Variants in PDE10A observed in about 807,000 individuals in gnomAD.
PDE10A encodes the protein phosphodiesterase 10A.
PDE10A carries 39 observed loss-of-function variants against 97.7 expected under a neutral mutation model. The observed-to-expected ratio is 0.40, with a 90% CI of 0.31 to 0.52. The LOEUF (loss-of-function observed/expected upper bound fraction) is 0.52, where lower values mean the gene tolerates loss of function less well. Among genes scored for constraint, PDE10A ranks in the 20% least tolerant of loss-of-function variants. PDE10A has a pLI of 0.56. For synonymous variants in PDE10A, 371 were observed against 376.8 expected (o/e 0.98, Z 0.18); for missense variants, 731 against 1,047.8 (o/e 0.70, Z 4.17).
At chr6:165,386,392 CTA>C (rs1337328058) in intron 17 of PDE10A, among the ~76,000 whole-genome samples, 2 of 152,158 alleles carry the variant, frequency 1.3e-5, no homozygotes, top group Admixed American at 1.3e-4. Context: ...TAAAGAAACT[CTA>C]TATTGGCTAT....
chr6:165,475,055 G>T (rs1240637126), intron 3 of PDE10A, among the ~76,000 whole-genome samples: 1 of 152,058 alleles, frequency 6.6e-6, no homozygotes, highest in Non-Finnish European at 1.5e-5. Flanking sequence ...TGGCCCACCT[G>T]CCCACTCCCC....
At chr6:165,363,044 A>C (rs1326189630) in intron 18 of PDE10A, among the ~76,000 whole-genome samples, 1 of 152,210 alleles carries the variant, frequency 6.6e-6, no homozygotes, top group Non-Finnish European at 1.5e-5. Context: ...AACACTCAAC[A>C]AATCAGAATT....
chr6:165,929,405 T>C (rs1326303059), intron 1 of PDE10A, among the ~76,000 whole-genome samples: 1 of 152,190 alleles, frequency 6.6e-6, no homozygotes, highest in Admixed American at 6.5e-5. Context: ...ATTATTTCTC[T>C]TGCCCCAGCA....
At chr6:165,373,781 T>A (rs1033762540) in intron 18 of PDE10A, among the ~76,000 whole-genome samples, 1 of 151,984 alleles carries the variant, frequency 6.6e-6, no homozygotes, top group Non-Finnish European at 1.5e-5. Flanking sequence ...CACATGCACA[T>A]GTATGTTTAT....
intron 1 of PDE10A, among the ~76,000 whole-genome samples, chr6:165,973,243 A>G (rs1784745802): frequency 6.6e-6 from 1 of 151,826 alleles, no homozygotes; most frequent in African/African-American, 2.4e-5. Context: ...ACATGGCAAA[A>G]CCCTGTCTCT....
At chr6:165,581,747 C>T (rs1785628412) in intron 1 of PDE10A, among the ~76,000 whole-genome samples, 2 of 152,192 alleles carry the variant, frequency 1.3e-5, no homozygotes, top group Admixed American at 1.3e-4. Flanking sequence ...GACAAAAGTG[C>T]TAAATCCTAC....
At chr6:165,800,147 C>T (rs556920953) in intron 1 of PDE10A, among the ~76,000 whole-genome samples, 4 of 152,284 alleles carry the variant, frequency 2.6e-5, no homozygotes, top group South Asian at 4.1e-4. Context: ...GGTTAAGGAA[C>T]ATTTTCTAAA....
At chr6:165,648,662 C>T (rs1044307624) in intron 1 of PDE10A, among the ~76,000 whole-genome samples, 3 of 152,044 alleles carry the variant, frequency 2.0e-5, no homozygotes, top group African/African-American at 7.2e-5. Context: ...AATGGACCAA[C>T]ACAAAACAAA....
chr6:165,756,958 T>C (rs1414954963), intron 1 of PDE10A, among the ~76,000 whole-genome samples: 2 of 144,362 alleles, frequency 1.4e-5, no homozygotes, highest in Non-Finnish European at 3.0e-5. Context: ...CCCCGCTTTT[T>C]CCATTAGGAT....
chr6:165,341,484 G>A (rs546797518), intron 19 of PDE10A, among the ~76,000 whole-genome samples: 12 of 152,170 alleles, frequency 7.9e-5, no homozygotes, highest in South Asian at 2.1e-4. Context: ...TGAACAAAAC[G>A]TGCATTTTTA....
At chr6:165,894,769 T>C (rs1302290735) in intron 1 of PDE10A, 1 of 285,680 alleles carries the variant, frequency 3.5e-6, no homozygotes. Context: ...TATTATGTGA[T>C]AATATTATTT....
chr6:165,918,367 A>T (rs1333581139), intron 1 of PDE10A, among the ~76,000 whole-genome samples: 1 of 152,226 alleles, frequency 6.6e-6, no homozygotes, highest in Non-Finnish European at 1.5e-5. Flanking sequence ...GAAAGTTAAC[A>T]TTATAGTTGC....
At chr6:165,342,369 T>C (rs1719360518) in intron 19 of PDE10A, among the ~76,000 whole-genome samples, 1 of 152,250 alleles carries the variant, frequency 6.6e-6, no homozygotes, top group African/African-American at 2.4e-5. Context: ...AACTAGGTTC[T>C]GACACATACA....
intron 1 of PDE10A, among the ~76,000 whole-genome samples, chr6:165,615,220 A>AAAAAAAAAAAAAG (rs547731839): frequency 6.7e-6 from 1 of 148,440 alleles, no homozygotes; most frequent in Non-Finnish European, 1.5e-5. Flanking sequence ...AGAAAAAAAA[A>AAAAAAAAAAAAAG]AAAGAAAGAA....
chr6:165,601,829 C>A (rs963636082), intron 1 of PDE10A, among the ~76,000 whole-genome samples: 9 of 152,048 alleles, frequency 5.9e-5, no homozygotes, highest in Admixed American at 6.6e-5. Context: ...TCTCAAAGTC[C>A]CTAAAAATAT....
chr6:165,788,887 A>C (rs1482548967), intron 1 of PDE10A, among the ~76,000 whole-genome samples: 1 of 152,124 alleles, frequency 6.6e-6, no homozygotes, highest in Non-Finnish European at 1.5e-5. Flanking sequence ...AAGCAGGACA[A>C]ATGGAAGCCA....
At chr6:165,788,642 A>G (rs1368646688) in intron 1 of PDE10A, among the ~76,000 whole-genome samples, 4 of 152,092 alleles carry the variant, frequency 2.6e-5, no homozygotes, top group South Asian at 2.1e-4. Context: ...TAATCTAACA[A>G]TCCTGAAATT....
At chr6:165,421,422 G>A (rs983615257) in intron 10 of PDE10A, among the ~76,000 whole-genome samples, 1 of 151,920 alleles carries the variant, frequency 6.6e-6, no homozygotes, top group Non-Finnish European at 1.5e-5. Flanking sequence ...CAGCCTGGGC[G>A]ACAGAGCAAG....
intron 1 of PDE10A, among the ~76,000 whole-genome samples, chr6:165,847,713 G>A (rs1280952853): frequency 1.3e-5 from 2 of 152,222 alleles, no homozygotes; most frequent in Admixed American, 6.5e-5. Context: ...AGATTTTTTT[G>A]TTTGTGGGTT....
Sources: allele counts gnomAD v4.1 joint callset (sites outside exome capture counted in the v4.1 genomes callset), GRCh38; gene constraint gnomAD v4.1.1; transcripts MANE v1.5; gene names NCBI Gene and HGNC (gene_info 2026-07-23, HGNC 2026-07-21).